MRPS23: variants seen among roughly 807,000 people sequenced by gnomAD.
The protein encoded by MRPS23 is mitochondrial ribosomal protein S23.
MRPS23 carries 14 observed loss-of-function variants against 19.8 expected under a neutral mutation model. That is an observed-to-expected ratio of 0.71 (90% CI 0.47 to 1.11). The LOEUF (loss-of-function observed/expected upper bound fraction) is 1.11. MRPS23 is among the 50% of genes least tolerant of loss of function. The pLI, the probability that MRPS23 is intolerant of heterozygous loss-of-function variation, is 0.00. For synonymous variants in MRPS23, 113 were observed against 89.7 expected, an observed-to-expected ratio of 1.26 and a Z score of -1.47; for missense variants, 242 against 236.7, an observed-to-expected ratio of 1.02 and a Z score of -0.15.
At chr17:57,841,766 T>TA (rs2073741920) in intron 2 of MRPS23, among the ~76,000 whole-genome samples, 1 of 149,812 alleles carries the variant, frequency 6.7e-6, no homozygotes, top group African/African-American at 2.4e-5. Context: ...TTCAGCATGG[T>TA]GAAACCCCAT....
chr17:57,839,955 G>T lies in MRPS23; in HGVS notation c.421-20C>A. ...GTGTTGCTTAAAAGACCAGATTTAAGTATCACAGAGATGTTATCATTTTCA... is the reference window on the plus strand; with the variant it reads ...GTGTTGCTTAAAAGACCAGATTTAATTATCACAGAGATGTTATCATTTTCA... On this transcript the variant is annotated intron_variant, in intron 4 of 4. Transcript: ENST00000313608. The T allele has an allele frequency of 6.2e-7, 1 of 1,613,036 alleles. No individual in the cohort carries two copies. The highest frequency in any genetic ancestry group is 8.5e-7 in the Non-Finnish European group (1 of 1,179,136).
In MRPS23 at chr17:57,835,843, T is replaced by C. The variant is rs940249013; in HGVS notation, c.*3940A>G. The C allele has an allele frequency of 6.6e-6, 1 of 152,300 alleles. No homozygotes were observed. The highest frequency in any genetic ancestry group is 1.9e-4 in the East Asian group (1 of 5,186). The allele number at this position is 152,300 out of a possible 1,614,324, so 9.4% of individuals were successfully genotyped here. A position where few individuals can be genotyped will look rare whatever the true frequency, so the allele number is the denominator to read the frequency against. On this transcript the variant is annotated 3_prime_UTR_variant, in exon 5 of 5. Coordinates refer to ENST00000313608, the MANE Select transcript of MRPS23 (RefSeq NM_016070.4). ...GGCAAACTTCACTGTAACCTGGATATATGCCTTCCTCGCCTTGGATTCAGC... is the reference window on the plus strand; with the variant it reads ...GGCAAACTTCACTGTAACCTGGATACATGCCTTCCTCGCCTTGGATTCAGC...
intron 2 of MRPS23, 102 bp from the exon 3 acceptor site, chr17:57,841,362 G>A: frequency 8.1e-7 from 1 of 1,240,790 alleles, no homozygotes; most frequent in South Asian, 1.3e-5. Context: ...GAGGAGTTAA[G>A]TACGGTATAA....
chr17:57,838,559 T>C lies in MRPS23; in HGVS notation c.*1224A>G, dbSNP rs2073721307. ...CCAAGGTCTGGCCCGATGTTTGGTC[T>C]CAATGGTTGTGTAATGTCTCTGAAT... On this transcript the variant is annotated 3_prime_UTR_variant, in exon 5 of 5. Coordinates refer to ENST00000313608, the MANE Select transcript of MRPS23 (RefSeq NM_016070.4). The C allele has an allele frequency of 6.6e-6, 1 of 152,190 alleles. No homozygotes were observed. Among genetic ancestry groups the C allele is most frequent in the Admixed American group, 6.5e-5 (1 of 15,278 alleles). 9.4% of individuals were successfully genotyped at this position (152,190 alleles called of 1,614,324 possible).
chr17:57,841,690 G>A (rs1256592271), intron 2 of MRPS23, among the ~76,000 whole-genome samples: 1 of 152,244 alleles, frequency 6.6e-6, no homozygotes, highest in African/African-American at 2.4e-5. Context: ...GCTAGGCGCA[G>A]TGGCTCATGC....
rs565907501 is a variant in MRPS23, at chr17:57,838,582, A to G, written c.*1201T>C. Reference sequence around the variant, plus strand: ...TCTCAATGGTTGTGTAATGTCTCTGAATGGATGAAATTTACTTCCCTACGG... The same window carrying G: ...TCTCAATGGTTGTGTAATGTCTCTGGATGGATGAAATTTACTTCCCTACGG... On this transcript the variant is annotated 3_prime_UTR_variant, in exon 5 of 5. Transcript: ENST00000313608. 1 of 152,324 alleles carries G rather than the reference A, an allele frequency of 6.6e-6. No homozygotes were observed. The highest frequency in any genetic ancestry group is 2.1e-4 in the South Asian group (1 of 4,826). The allele number at this position is 152,324 out of a possible 1,614,324, so 9.4% of individuals were successfully genotyped here. A position where few individuals can be genotyped will look rare whatever the true frequency, so the allele number is the denominator to read the frequency against.
chr17:57,850,036 C>T lies in MRPS23; in HGVS notation c.-26G>A, dbSNP rs377411408. 1.9e-6 allele frequency: 3 copies of T among 1,583,512 alleles called. No homozygotes were observed. Among genetic ancestry groups the T allele is most frequent in the African/African-American group, 1.4e-5 (1 of 74,048 alleles). ...GATCTGCGCCTGGTACCGAGCGTGACTAGCTGCTACCGGAACCGGAAGCGG... is the reference window on the plus strand; with the variant it reads ...GATCTGCGCCTGGTACCGAGCGTGATTAGCTGCTACCGGAACCGGAAGCGG... On this transcript the variant is annotated 5_prime_UTR_variant, in exon 1 of 5. Coordinates refer to ENST00000313608, the MANE Select transcript of MRPS23 (RefSeq NM_016070.4).
chr17:57,843,203 G>A (rs760687587), intron 2 of MRPS23, among the ~76,000 whole-genome samples: 5 of 151,404 alleles, frequency 3.3e-5, no homozygotes, highest in Non-Finnish European at 7.4e-5. Context: ...TTGAGTCCAG[G>A]AGGTCAAGGC....
chr17:57,837,505 C>CA lies in MRPS23; in HGVS notation c.*2277dup, dbSNP rs2073712459. 6.6e-6 allele frequency: 1 copy of CA among 152,020 alleles called. No individual in the cohort carries two copies. Among genetic ancestry groups the CA allele is most frequent in the Admixed American group, 6.6e-5 (1 of 15,252 alleles). The allele number at this position is 152,020 out of a possible 1,614,324, so 9.4% of individuals were successfully genotyped here. ...GTATGCATAGTGTCCTGTCCATGCC[C>CA]AAAATATTTCTGGAAGAGCGCACAA... On this transcript the variant is annotated 3_prime_UTR_variant, in exon 5 of 5. Transcript: ENST00000313608.
At chr17:57,844,746 GGA>G (rs1042074491) in intron 2 of MRPS23, among the ~76,000 whole-genome samples, 6 of 146,810 alleles carry the variant, frequency 4.1e-5, no homozygotes, top group Non-Finnish European at 3.0e-5. Context: ...CTCCAGCCTG[GGA>G]GAGAGAGAGA....
chr17:57,849,505 T>G, intron 1 of MRPS23, 95 bp from the exon 2 acceptor site: 2 of 1,448,754 alleles, frequency 1.4e-6, no homozygotes, highest in South Asian at 1.3e-5. Context: ...AAAGGTATTA[T>G]GCGGTCTGCA....
rs1438891116 is a variant in MRPS23, at chr17:57,849,331, T to A, written c.124A>T (p.Arg42Trp). Residue 42 changes from arginine to tryptophan, a missense_variant, in exon 2 of 5, where the codon AGG becomes TGG. By Grantham distance (101) the Arg-to-Trp change is moderately radical. Coordinates refer to ENST00000313608, the MANE Select transcript of MRPS23 (RefSeq NM_016070.4). ...CGAGGCCTTTGGAAGACGGGCTCCC[T>A]CAGCGGGGGAAAGGCGTCATATACG... ...FDVYDAFPPL[R>W]EPVFQRPRVR... 5 of 1,614,208 alleles carry A rather than the reference T, an allele frequency of 3.1e-6. No homozygotes were observed. The highest frequency in any genetic ancestry group is 4.2e-6 in the Non-Finnish European group (5 of 1,180,040).
intron 2 of MRPS23, among the ~76,000 whole-genome samples, chr17:57,848,099 T>C (rs1213410932): frequency 6.6e-6 from 1 of 152,156 alleles, no homozygotes; most frequent in Non-Finnish European, 1.5e-5. Context: ...CAACTACTTT[T>C]TTTTTGGTAG....
At chr17:57,844,301 T>C (rs531819773) in intron 2 of MRPS23, among the ~76,000 whole-genome samples, 1 of 151,418 alleles carries the variant, frequency 6.6e-6, no homozygotes, top group South Asian at 2.1e-4. Context: ...AACCACTCTA[T>C]AAGCTTTTTT....
In MRPS23 at chr17:57,837,282, A is replaced by G. The variant is rs2073711355; in HGVS notation, c.*2501T>C. ...GGGGAACGCATTCTCATACATTGCT[A>G]TGAGAGTATAGTTAAGCACAATTTC... On this transcript the variant is annotated 3_prime_UTR_variant, in exon 5 of 5. Coordinates refer to ENST00000313608, the MANE Select transcript of MRPS23 (RefSeq NM_016070.4). 4 of 152,338 alleles carry G rather than the reference A, an allele frequency of 2.6e-5. No homozygotes were observed. In the South Asian group the frequency reaches 8.3e-4, roughly 32 times the overall value. The allele number at this position is 152,338 out of a possible 1,614,324, so 9.4% of individuals were successfully genotyped here.
At chr17:57,847,662 G>GA (rs55921717) in intron 2 of MRPS23, among the ~76,000 whole-genome samples, 100,253 of 127,774 alleles carry the variant, frequency 0.78, 39,450 homozygotes, top group East Asian at 0.89. Flanking sequence ...ACTCCATCTC[G>GA]AAAAAAAAAA....
At position 57,836,499 on chromosome 17, in the gene MRPS23, C is replaced by T. The variant is rs1455397791; in HGVS notation, c.*3284G>A. On this transcript the variant is annotated 3_prime_UTR_variant, in exon 5 of 5. Coordinates refer to ENST00000313608, the MANE Select transcript of MRPS23 (RefSeq NM_016070.4). Reference sequence around the variant, plus strand: ...AGGGTGTTCCTGCCCAAAGAAACCGCATGTACATGTCCATCCCACTGCCTT... The same window carrying T: ...AGGGTGTTCCTGCCCAAAGAAACCGTATGTACATGTCCATCCCACTGCCTT... The T allele has an allele frequency of 1.3e-5, 2 of 152,172 alleles. No individual in the cohort carries two copies. Among genetic ancestry groups the T allele is most frequent in the Non-Finnish European group, 2.9e-5 (2 of 68,042 alleles). The allele number at this position is 152,172 out of a possible 1,614,324, so 9.4% of individuals were successfully genotyped here. A position where few individuals can be genotyped will look rare whatever the true frequency, so the allele number is the denominator to read the frequency against.
Position 57,846,620 on chromosome 17 carries a change from A to G in MRPS23, c.215+2620T>C, listed in dbSNP as rs1054407799. 3.9e-5 allele frequency among the ~76,000 whole-genome samples: 6 copies of G among 151,970 alleles called. No individual in the cohort carries two copies. In the East Asian group the frequency reaches 1.2e-3, roughly 29 times the overall value. Reference sequence around the variant, plus strand: ...CTGTTAATCTATAACCTTACCCCCAACCCCCTGCTCTCTGAAACATGTGCT... The same window carrying G: ...CTGTTAATCTATAACCTTACCCCCAGCCCCCTGCTCTCTGAAACATGTGCT... On this transcript the variant is annotated intron_variant, in intron 2 of 4. Coordinates refer to ENST00000313608, the MANE Select transcript of MRPS23 (RefSeq NM_016070.4).
chr17:57,843,358 TTTATAGTTTTAA>T (rs1477152258), intron 2 of MRPS23, among the ~76,000 whole-genome samples: 2 of 152,176 alleles, frequency 1.3e-5, no homozygotes, highest in South Asian at 2.1e-4. Flanking sequence ...ACCAGAACTC[TTTATAGTTTTAA>T]TTTGCTTTTC....
Sources: gnomAD v4.1 joint callset for allele counts (sites outside exome capture counted in the v4.1 genomes callset) on GRCh38, gnomAD v4.1.1 for gene constraint, MANE v1.5 for transcripts, NCBI Gene and HGNC (gene_info 2026-07-23, HGNC 2026-07-21) for gene names.